The following GBE1 variants were observed in gnomAD, a reference collection of about 807,000 sequenced individuals.
The protein encoded by GBE1 is 1,4-alpha-glucan branching enzyme 1.
Under a neutral mutation model 88.8 loss-of-function variants are expected in GBE1, and 70 were observed. The observed-to-expected ratio is 0.79, with a 90% CI of 0.65 to 0.96. The LOEUF (loss-of-function observed/expected upper bound fraction) is 0.96. Ranked by LOEUF, GBE1 falls within the 40% of genes least tolerant of loss-of-function variation. The probability of loss-of-function intolerance (pLI) is 0.00; values close to 1 mark genes in which losing one functional copy is unlikely to be tolerated. For missense variants in GBE1, 872 were observed against 871.0 expected (o/e 1.00, Z -0.01); for synonymous variants, 284 against 300.1 (o/e 0.95, Z 0.56).
intron 7 of GBE1, among the ~76,000 whole-genome samples, chr3:81,620,192 T>C (rs972471412): frequency 7.9e-5 from 12 of 151,842 alleles, no homozygotes; most frequent in Non-Finnish European, 1.8e-4. Flanking sequence ...ATAATTTTTT[T>C]TTTTTTTTGA....
chr3:81,684,383 C>T (rs1393028478), intron 2 of GBE1, among the ~76,000 whole-genome samples: 1 of 152,174 alleles, frequency 6.6e-6, no homozygotes, highest in Non-Finnish European at 1.5e-5. Context: ...ATTTATTTTT[C>T]ACAGTTCTGA....
chr3:81,535,090 GT>G (rs2106869258), intron 14 of GBE1, 104 bp downstream of exon 14: 1 of 1,037,108 alleles, frequency 9.6e-7, no homozygotes, highest in African/African-American at 1.7e-5. Flanking sequence ...GAAAATGAAT[GT>G]TTCTGTCATC....
intron 7 of GBE1, among the ~76,000 whole-genome samples, chr3:81,624,659 C>T (rs1032558308): frequency 2.0e-5 from 3 of 151,710 alleles, no homozygotes; most frequent in Non-Finnish European, 4.4e-5. Flanking sequence ...CACATGCATA[C>T]ACACACACAT....
chr3:81,761,338 G>T (rs1177474124), intron 1 of GBE1, 37 bp downstream of exon 1: 1 of 1,577,082 alleles, frequency 6.3e-7, no homozygotes, highest in Admixed American at 1.7e-5. Context: ...GAGGCGGGCT[G>T]CCTGTCTAAG....
intron 12 of GBE1, among the ~76,000 whole-genome samples, chr3:81,555,600 T>C (rs531879860): frequency 6.6e-6 from 1 of 152,338 alleles, no homozygotes; most frequent in African/African-American, 2.4e-5. Context: ...TTGCTATCTT[T>C]TGTACTTCAT....
intron 1 of GBE1, among the ~76,000 whole-genome samples, chr3:81,710,284 G>A (rs1195306485): frequency 8.4e-6 from 1 of 118,398 alleles, no homozygotes; most frequent in Non-Finnish European, 1.6e-5. Context: ...GCCCAGGCTG[G>A]AGTGCAGTGC....
chr3:81,640,576 A>C (rs1704660411), intron 7 of GBE1, among the ~76,000 whole-genome samples: 1 of 152,054 alleles, frequency 6.6e-6, no homozygotes, highest in African/African-American at 2.4e-5. Context: ...CCTATGAGTC[A>C]GTTCTCGTAA....
chr3:81,646,477 T>C lies in GBE1; in HGVS notation c.697A>G (p.Asn233Asp), dbSNP rs1704765309. 1.9e-6 allele frequency: 3 copies of C among 1,581,328 alleles called. No individual in the cohort carries two copies. Among genetic ancestry groups the C allele is most frequent in the Admixed American group, 1.7e-5 (1 of 57,458 alleles). ...ATGATTGCCATCAACTGAATGCAGT[T>C]GTATCCTATATAAGGCAATGGTCAA... is the stretch of plus-strand genomic sequence containing the variant. ...VLPRIKGLGY[N>D]CIQLMAIMEH... The change falls in exon 6 of 16, where the codon AAC becomes GAC. Residue 233 changes from asparagine (N) to aspartate (D), a missense_variant. Coordinates refer to ENST00000429644, the MANE Select transcript of GBE1 (RefSeq NM_000158.4).
intron 1 of GBE1, among the ~76,000 whole-genome samples, chr3:81,750,533 A>G (rs1196211507): frequency 2.6e-5 from 2 of 76,234 alleles, no homozygotes; most frequent in Admixed American, 1.4e-4. Flanking sequence ...TCATATATAT[A>G]TATACGTATA....
chr3:81,597,282 G>A (rs1427117799), intron 7 of GBE1, among the ~76,000 whole-genome samples: 3 of 151,448 alleles, frequency 2.0e-5, no homozygotes, highest in South Asian at 2.1e-4. Context: ...ATTTTGGTGC[G>A]TTCCAACAGA....
chr3:81,690,197 G>A (rs933507610), intron 2 of GBE1, among the ~76,000 whole-genome samples: 5 of 152,186 alleles, frequency 3.3e-5, no homozygotes, highest in African/African-American at 9.7e-5. Flanking sequence ...GGGTCCTCCA[G>A]AAATGAAGTG....
At chr3:81,500,602 G>A (rs1016260312) in intron 14 of GBE1, among the ~76,000 whole-genome samples, 10 of 152,128 alleles carry the variant, frequency 6.6e-5, no homozygotes, top group Admixed American at 3.9e-4. Context: ...GATAGCAGTG[G>A]CTAAGTAAGG....
chr3:81,627,643 T>C (rs1326759190), intron 7 of GBE1, among the ~76,000 whole-genome samples: 1 of 151,898 alleles, frequency 6.6e-6, no homozygotes, highest in Non-Finnish European at 1.5e-5. Flanking sequence ...CAATTCGAGC[T>C]CAACTGAGAA....
intron 1 of GBE1, among the ~76,000 whole-genome samples, chr3:81,754,355 G>A (rs1481376126): frequency 2.6e-5 from 4 of 151,902 alleles, no homozygotes; most frequent in African/African-American, 4.8e-5. Context: ...GGATTAGAAG[G>A]ATTAATATTG....
chr3:81,499,033 G>A, intron 15 of GBE1, 77 bp downstream of exon 15: 1 of 828,594 alleles, frequency 1.2e-6, no homozygotes, highest in South Asian at 1.7e-5. Flanking sequence ...TTGAAGAGTT[G>A]TTTATTTGAA....
At chr3:81,736,068 C>A (rs1360615937) in intron 1 of GBE1, among the ~76,000 whole-genome samples, 1 of 152,088 alleles carries the variant, frequency 6.6e-6, no homozygotes, top group Non-Finnish European at 1.5e-5. Context: ...GCCCCGTGAT[C>A]CCCACTGAAA....
intron 1 of GBE1, among the ~76,000 whole-genome samples, chr3:81,708,713 T>A (rs1705810984): frequency 6.6e-6 from 1 of 152,198 alleles, no homozygotes; most frequent in East Asian, 1.9e-4. Flanking sequence ...TAATAATATT[T>A]ATTCTTTATG....
intron 7 of GBE1, among the ~76,000 whole-genome samples, chr3:81,642,343 T>C (rs1352816642): frequency 6.6e-6 from 1 of 152,126 alleles, no homozygotes; most frequent in Admixed American, 6.6e-5. Context: ...ACTGTTGTTT[T>C]ATAGTTATAA....
At chr3:81,714,259 G>T (rs7623056) in intron 1 of GBE1, among the ~76,000 whole-genome samples, 18,835 of 152,024 alleles carry the variant, frequency 0.12, 1,329 homozygotes, top group Non-Finnish European at 0.17. Flanking sequence ...TTCTTTCAAT[G>T]GTGAGAAAAT....
Sources: gnomAD v4.1 joint callset for allele counts (sites outside exome capture counted in the v4.1 genomes callset) on GRCh38, gnomAD v4.1.1 for gene constraint, MANE v1.5 for transcripts, NCBI Gene and HGNC (gene_info 2026-07-23, HGNC 2026-07-21) for gene names.